Variants in MYH13 observed in about 807,000 individuals in gnomAD.
MYH13 encodes the protein myosin-13.
A neutral mutation model predicts 232.1 loss-of-function variants in MYH13; 177 were observed. The observed-to-expected ratio is 0.76, with a 90% CI of 0.67 to 0.86. The LOEUF is 0.86. MYH13 is among the 40% of genes least tolerant of loss of function. MYH13 has a pLI of 0.00. For missense variants in MYH13, 2,246 were observed against 2,405.9 expected (o/e 0.93, Z 1.39); for synonymous variants, 884 against 923.5 (o/e 0.96, Z 0.78).
At chr17:10,316,145 C>CA (rs1372617642) in intron 27 of MYH13, 120 bp from the exon 28 acceptor site, 10 of 1,307,042 alleles carry the variant, frequency 7.7e-6, no homozygotes, top group Non-Finnish European at 8.3e-6. Flanking sequence ...AAGTACAGAA[C>CA]AAAAAAAAGT....
chr17:10,312,627 G>GCTCCAGATCCCGCATCAGATC lies in MYH13; in HGVS notation c.4291_4311dup (p.Asp1431_Glu1437dup). 6.2e-7 allele frequency: 1 copy of GCTCCAGATCCCGCATCAGATC among 1,613,118 alleles called. No individual in the cohort carries two copies. The highest frequency in any genetic ancestry group is 8.5e-7 in the Non-Finnish European group (1 of 1,179,598). On this transcript the variant is annotated inframe_insertion, in exon 31 of 41. Coordinates refer to ENST00000252172, the MANE Select transcript of MYH13 (RefSeq NM_003802.3). The stretch of plus-strand genomic sequence containing the variant: ...AGTGTGGCACAGGCGGTGTGGGAGC[G>GCTCCAGATCCCGCATCAGATC]CTCCAGATCCCGCATCAGATCCTCC...
At chr17:10,359,889 A>G in intron 7 of MYH13, 71 bp downstream of exon 7, 1 of 1,397,376 alleles carries the variant, frequency 7.2e-7, no homozygotes, top group Non-Finnish European at 1.0e-6. Context: ...CCCTGCATAC[A>G]CTTGGTGCTC....
At chr17:10,335,345 C>T (rs569612979) in intron 18 of MYH13, among the ~76,000 whole-genome samples, 2 of 152,172 alleles carry the variant, frequency 1.3e-5, no homozygotes, top group Non-Finnish European at 2.9e-5. Flanking sequence ...TACAAATATT[C>T]CAATATCCAC....
Position 10,315,701 on chromosome 17 carries a change from C to A in MYH13, c.3976G>T (p.Glu1326Ter). 2 of 1,613,860 alleles carry A rather than the reference C, an allele frequency of 1.2e-6. No individual in the cohort carries two copies. Among genetic ancestry groups the A allele is most frequent in the African/African-American group, 2.7e-5 (2 of 75,046 alleles). Reference protein sequence around the residue: ...LEELKRQMEEETKAKNAMAHA... With the variant: ...LEELKRQMEE ...TGACTCTATATCTTTACCTTGGTTT[C>A]TTCTTCCATTTGCCTCTTAAGCTCC... Residue 1326 changes from glutamate to a stop codon, truncating the protein, a stop_gained, in exon 29 of 41, where the codon GAA becomes TAA. Coordinates refer to ENST00000252172, the MANE Select transcript of MYH13 (RefSeq NM_003802.3). LOFTEE classifies it high-confidence loss of function.
intron 32 of MYH13, 124 bp downstream of exon 32, chr17:10,311,787 T>A (rs1040953203): frequency 2.4e-5 from 27 of 1,141,450 alleles, no homozygotes; most frequent in Admixed American, 4.2e-5. Flanking sequence ...ATGTGAGGCA[T>A]GATGGGTGAG....
intron 18 of MYH13, among the ~76,000 whole-genome samples, chr17:10,339,403 G>C (rs1434092410): frequency 6.6e-6 from 1 of 152,172 alleles, no homozygotes; most frequent in African/African-American, 2.4e-5. Context: ...CTGATTCTCA[G>C]TTTTCTCATT....
intron 21 of MYH13, among the ~76,000 whole-genome samples, chr17:10,328,409 G>A (rs1189620962): frequency 6.6e-6 from 1 of 152,192 alleles, no homozygotes; most frequent in Non-Finnish European, 1.5e-5. Context: ...CTGCCTGAGG[G>A]CGTCCGTGAC....
rs182131030 is a variant in MYH13 at position 10,314,995 on chromosome 17, A to C, written c.3984+698T>G. Among the ~76,000 whole-genome samples, 47 of 152,290 alleles carry C rather than the reference A, an allele frequency of 3.1e-4. 1 individual carries two copies. The highest frequency in any genetic ancestry group is 1.3e-4 in the Non-Finnish European group (9 of 67,996). On this transcript the variant is annotated intron_variant, in intron 29 of 40. Coordinates refer to ENST00000252172, the MANE Select transcript of MYH13 (RefSeq NM_003802.3). ...CCTTCTTGGAGGAGGGGAGCTTAAA[A>C]TCAGGTGGTATAGGAGGTGACACAT... is the stretch of plus-strand genomic sequence containing the variant.
rs34889608 is a variant in MYH13, at chr17:10,306,220, A to ATGTGTGTGTGTGTGTGTGTGTG, written c.5466+217_5466+238dup. Among the ~76,000 whole-genome samples the ATGTGTGTGTGTGTGTGTGTGTG allele has an allele frequency of 3.8e-5, 5 of 129,944 alleles. No individual in the cohort carries two copies. The highest frequency in any genetic ancestry group is 7.7e-5 in the Admixed American group (1 of 12,946). The allele number at this position is 129,944 out of a possible 152,430, so 85.2% of individuals were successfully genotyped here. ...CTGAGGTGTGAGCATACCAAAATAG[A>ATGTGTGTGTGTGTGTGTGTGTG]TGTGTGTGTGTGTGTGTGTGTGTGT... On this transcript the variant is annotated intron_variant, in intron 37 of 40. Coordinates refer to ENST00000252172, the MANE Select transcript of MYH13 (RefSeq NM_003802.3). The surrounding 1 kb of genome is among the most constrained non-coding windows in gnomAD (Gnocchi z 4.3).
Position 10,324,094 on chromosome 17 carries a change from GAGA to G in MYH13, c.2859_2861del (p.Leu954del). 1 of 1,613,936 alleles carries G rather than the reference GAGA, an allele frequency of 6.2e-7. No homozygotes were observed. The highest frequency in any genetic ancestry group is 8.5e-7 in the Non-Finnish European group (1 of 1,179,928). Reference sequence around the variant, plus strand: ...GCTCCAGGTCATCAATGTCTCTCTTGAGAGAGGAGCATTTATCTTCCAGATTCC... The same window carrying G: ...GCTCCAGGTCATCAATGTCTCTCTTGGAGGAGCATTTATCTTCCAGATTCC... On this transcript the variant is annotated inframe_deletion, in exon 23 of 41. Transcript: ENST00000252172.
At chr17:10,372,461 G>A (rs1174703481) in intron 1 of MYH13, among the ~76,000 whole-genome samples, 2 of 152,210 alleles carry the variant, frequency 1.3e-5, no homozygotes, top group Admixed American at 6.5e-5. Flanking sequence ...CATAAAATAT[G>A]CCATGTGAGA....
At chr17:10,321,862 T>G (rs1016294720) in intron 23 of MYH13, among the ~76,000 whole-genome samples, 154 bp from the exon 24 acceptor site, 6 of 152,216 alleles carry the variant, frequency 3.9e-5, no homozygotes, top group Non-Finnish European at 8.8e-5. Context: ...TCTCAGTTCT[T>G]TATCTTCCTT....
At chr17:10,312,207 G>GT (rs1906532270) in intron 31 of MYH13, 131 bp from the exon 32 acceptor site, 1 of 1,023,986 alleles carries the variant, frequency 9.8e-7, no homozygotes, top group Non-Finnish European at 1.4e-6. Context: ...AGGAGGAGGA[G>GT]CACTGTTCTA....
intron 18 of MYH13, among the ~76,000 whole-genome samples, chr17:10,338,689 GT>G (rs757791680): frequency 4.6e-4 from 50 of 108,774 alleles, no homozygotes; most frequent in African/African-American, 8.5e-4. Flanking sequence ...TTTTATCCTT[GT>G]TTTTTTTTTT....
rs1448734506 is a variant in MYH13 at position 10,343,803 on chromosome 17, T to A, written c.1891A>T (p.Thr631Ser). Residue 631 changes from threonine (T) to serine (S), a missense_variant, in exon 16 of 41, where the codon ACA becomes TCA. Physicochemically the swap from Thr to Ser is moderately conservative, Grantham distance 58 (BLOSUM62 1). Transcript: ENST00000252172. ...FLFSNYAGAETGDSGGSKKGG... is the reference protein window; with the variant it reads ...FLFSNYAGAESGDSGGSKKGG... ...GAAAGAAATGATAGAATTTTACCTG[T>A]CTCTGCACCAGCATAGTTGGAAAAA... The A allele has an allele frequency of 6.3e-7, 1 of 1,594,024 alleles. No individual in the cohort carries two copies. The highest frequency in any genetic ancestry group is 1.7e-5 in the Admixed American group (1 of 57,812).
Position 10,320,135 on chromosome 17 carries a change from A to C in MYH13, c.3348+18T>G. 1 of 1,552,244 alleles carries C rather than the reference A, an allele frequency of 6.4e-7. No homozygotes were observed. Among genetic ancestry groups the C allele is most frequent in the Non-Finnish European group, 8.8e-7 (1 of 1,142,172 alleles). On this transcript the variant is annotated intron_variant, in intron 26 of 40. Transcript: ENST00000252172. ...TGCAAAGGGATTGTCATGATTGGGA[A>C]GGTTTTGATGCTTTTACTTGCAGTT... is the stretch of plus-strand genomic sequence containing the variant.
intron 23 of MYH13, among the ~76,000 whole-genome samples, chr17:10,322,148 T>C (rs897352903): frequency 6.6e-6 from 1 of 152,096 alleles, no homozygotes; most frequent in South Asian, 2.1e-4. Context: ...ATCCCAGCAC[T>C]TTGGGAGGCC....
At chr17:10,310,703 GACC>G (rs1348563690) in intron 33 of MYH13, among the ~76,000 whole-genome samples, 3 of 152,116 alleles carry the variant, frequency 2.0e-5, no homozygotes, top group African/African-American at 7.2e-5. Flanking sequence ...CAGCCATCCT[GACC>G]ACCACCGATT....
At chr17:10,334,204 C>T (rs1907510864) in intron 18 of MYH13, among the ~76,000 whole-genome samples, 1 of 152,076 alleles carries the variant, frequency 6.6e-6, no homozygotes, top group African/African-American at 2.4e-5. Context: ...TTTGTGGGCT[C>T]CCTAAGTTGC....
Sources: gnomAD v4.1 joint callset for allele counts (sites outside exome capture counted in the v4.1 genomes callset) on GRCh38, gnomAD v4.1.1 for gene constraint, Gnocchi (gnomAD v3.1) non-coding constraint, MANE v1.5 for transcripts, NCBI Gene and HGNC (gene_info 2026-07-23, HGNC 2026-07-21) for gene names.